GRID2: variants seen among roughly 807,000 people sequenced by gnomAD.
The protein encoded by GRID2 is glutamate ionotropic receptor delta type subunit 2, also known as glutamate receptor ionotropic, delta-2.
GRID2 carries 33 observed loss-of-function variants against 114.8 expected under a neutral mutation model. The ratio of observed to expected loss-of-function variants is 0.29; its 90% CI spans 0.22 to 0.38. The LOEUF (loss-of-function observed/expected upper bound fraction) is 0.38. Ranked by LOEUF, GRID2 falls within the 10% of genes least tolerant of loss-of-function variation. GRID2 has a pLI of 1.00. For missense variants in GRID2, 1,184 were observed against 1,257.7 expected, an observed-to-expected ratio of 0.94 and a Z score of 0.89; for synonymous variants, 505 against 449.9, an observed-to-expected ratio of 1.12 and a Z score of -1.55.
rs970525999 is a variant in GRID2 at position 93,688,319 on chromosome 4, C to T, written c.2360+61884C>T. On this transcript the variant is annotated intron_variant, in intron 14 of 15. Coordinates refer to ENST00000282020, the MANE Select transcript of GRID2 (RefSeq NM_001510.4). Reference sequence around the variant, plus strand: ...TACCACCTGTACACCTGAACATTTTCTTCTACTTGTTCCTGTTATAGCCTC... The same window carrying T: ...TACCACCTGTACACCTGAACATTTTTTTCTACTTGTTCCTGTTATAGCCTC... Among the ~76,000 whole-genome samples the T allele has an allele frequency of 2.5e-4, 38 of 151,802 alleles. 1 individual carries two copies.
chr4:92,765,778 C>T (rs908079037), intron 2 of GRID2, among the ~76,000 whole-genome samples: 1 of 152,178 alleles, frequency 6.6e-6, no homozygotes, highest in Non-Finnish European at 1.5e-5. Flanking sequence ...ACTTTATCCA[C>T]CTCAACTCCC....
intron 8 of GRID2, among the ~76,000 whole-genome samples, chr4:93,298,517 T>A (rs1004524515): frequency 6.6e-6 from 1 of 152,230 alleles, no homozygotes; most frequent in African/African-American, 2.4e-5. Context: ...AAGACCCTTT[T>A]AGCACAATCA....
chr4:92,337,756 C>G (rs1346001113), intron 1 of GRID2, among the ~76,000 whole-genome samples: 1 of 152,062 alleles, frequency 6.6e-6, no homozygotes, highest in Non-Finnish European at 1.5e-5. Context: ...ATTAAATTGC[C>G]CAAGGAGATT....
intron 3 of GRID2, among the ~76,000 whole-genome samples, chr4:93,105,845 A>T (rs1732172710): frequency 6.6e-6 from 1 of 152,160 alleles, no homozygotes; most frequent in South Asian, 2.1e-4. Flanking sequence ...ATAATATGGG[A>T]TAATCTCCCT....
intron 2 of GRID2, among the ~76,000 whole-genome samples, chr4:92,747,869 A>G (rs768452506): frequency 8.5e-5 from 13 of 152,186 alleles, no homozygotes; most frequent in Non-Finnish European, 1.8e-4. Flanking sequence ...TCCTCTGATC[A>G]TACATGGACT....
At chr4:93,719,923 T>C (rs1165780171) in intron 14 of GRID2, among the ~76,000 whole-genome samples, 1 of 152,158 alleles carries the variant, frequency 6.6e-6, no homozygotes, top group Non-Finnish European at 1.5e-5. Context: ...CATTCAAAAT[T>C]GCAGAATTCT....
chr4:92,383,158 T>C (rs542378433), intron 1 of GRID2, among the ~76,000 whole-genome samples: 1 of 151,842 alleles, frequency 6.6e-6, no homozygotes, highest in South Asian at 2.1e-4. Context: ...TGCTAAATCA[T>C]TCATGAGGAT....
At chr4:93,117,539 A>T (rs1193748001) in intron 4 of GRID2, among the ~76,000 whole-genome samples, 1 of 152,144 alleles carries the variant, frequency 6.6e-6, no homozygotes, top group African/African-American at 2.4e-5. Context: ...CATAGCTCAA[A>T]AACTTGAGTT....
chr4:93,366,324 G>C (rs528258099), intron 8 of GRID2, among the ~76,000 whole-genome samples: 6 of 152,110 alleles, frequency 3.9e-5, no homozygotes, highest in Non-Finnish European at 7.4e-5. Context: ...CTCTAAACTG[G>C]CACCCCTGGG....
At position 92,688,037 on chromosome 4, in the gene GRID2, C is replaced by CTTTTTTTTTTTTTTTTT. The variant is rs760605020; in HGVS notation, c.244+97764_244+97780dup. The stretch of plus-strand genomic sequence containing the variant: ...GCCACATTGGTTGACCCTTCTTCTT[C>CTTTTTTTTTTTTTTTTT]TTTTTTTTTTTTTTTTTTTTTTTTT... On this transcript the variant is annotated intron_variant, in intron 2 of 15. Coordinates refer to ENST00000282020, the MANE Select transcript of GRID2 (RefSeq NM_001510.4). Among the ~76,000 whole-genome samples, 64 of 44,670 alleles carry CTTTTTTTTTTTTTTTTT rather than the reference C, an allele frequency of 1.4e-3. 4 individuals are homozygous for CTTTTTTTTTTTTTTTTT. Among genetic ancestry groups the CTTTTTTTTTTTTTTTTT allele is most frequent in the East Asian group, 2.6e-3 (5 of 1,888 alleles). 29.3% of individuals were successfully genotyped at this position (44,670 alleles called of 152,430 possible).
intron 8 of GRID2, among the ~76,000 whole-genome samples, chr4:93,302,192 G>T (rs921386115): frequency 6.6e-6 from 1 of 151,686 alleles, no homozygotes; most frequent in Admixed American, 6.6e-5. Context: ...TCTTATCTTC[G>T]CATTATTAAA....
intron 1 of GRID2, among the ~76,000 whole-genome samples, chr4:92,370,281 T>C (rs1056761476): frequency 1.3e-5 from 2 of 152,204 alleles, no homozygotes; most frequent in African/African-American, 4.8e-5. Flanking sequence ...GTATTCTGAC[T>C]GCTCCACATT....
chr4:93,455,691 C>T lies in GRID2; in HGVS notation c.1575C>T (p.Thr525=), dbSNP rs1445874207. 1 of 1,612,276 alleles carries T rather than the reference C, an allele frequency of 6.2e-7. No homozygotes were observed. ...CCGACATAGGGATTTCTGCTTTAACCATCACTCCAGATCGTGAAAATGTGG... is the reference window on the plus strand; with the variant it reads ...CCGACATAGGGATTTCTGCTTTAACTATCACTCCAGATCGTGAAAATGTGG... ...KRADIGISAL[T]ITPDRENVVD... Residue 525 remains threonine (T), a synonymous_variant, in exon 11 of 16, where the codon ACC becomes ACT. Transcript: ENST00000282020.
chr4:93,335,310 G>A (rs145110571), intron 8 of GRID2, among the ~76,000 whole-genome samples: 3 of 152,274 alleles, frequency 2.0e-5, no homozygotes, highest in African/African-American at 7.2e-5. Context: ...TGTAGTGAGA[G>A]GTAATTGTGT....
chr4:92,561,745 C>T lies in GRID2; in HGVS notation c.89-28386C>T, dbSNP rs534635821. Reference sequence around the variant, plus strand: ...TACATTAGTTCTAATTTTGAATGCCCGATGTCATTATTCTCTTACATCAAC... The same window carrying T: ...TACATTAGTTCTAATTTTGAATGCCTGATGTCATTATTCTCTTACATCAAC... On this transcript the variant is annotated intron_variant, in intron 1 of 15. Coordinates refer to ENST00000282020, the MANE Select transcript of GRID2 (RefSeq NM_001510.4). Among the ~76,000 whole-genome samples, 129 of 152,126 alleles carry T rather than the reference C, an allele frequency of 8.5e-4. No homozygotes were observed. In the South Asian group the frequency reaches 0.025, roughly 30 times the overall value.
intron 2 of GRID2, among the ~76,000 whole-genome samples, chr4:92,675,798 C>G (rs1004454182): frequency 1.3e-5 from 2 of 152,058 alleles, no homozygotes; most frequent in African/African-American, 4.8e-5. Context: ...TCGTGATCCA[C>G]CCGCCTCAGC....
At chr4:93,090,127 C>T (rs1251866502) in intron 3 of GRID2, among the ~76,000 whole-genome samples, 1 of 152,136 alleles carries the variant, frequency 6.6e-6, no homozygotes, top group Non-Finnish European at 1.5e-5. Context: ...GAGATTGCCA[C>T]TCCTCTAGTT....
In GRID2 at chr4:92,410,444, C is replaced by T. The variant is rs147158326; in HGVS notation, c.88+105700C>T. On this transcript the variant is annotated intron_variant, in intron 1 of 15. Coordinates refer to ENST00000282020, the MANE Select transcript of GRID2 (RefSeq NM_001510.4). ...TATATCCATGAACATTTATTGCACACGTATTTTGTATGCAGTGAATCCTCC... is the reference window on the plus strand; with the variant it reads ...TATATCCATGAACATTTATTGCACATGTATTTTGTATGCAGTGAATCCTCC... Among the ~76,000 whole-genome samples, 30 of 152,246 alleles carry T rather than the reference C, an allele frequency of 2.0e-4. 1 individual carries two copies. The highest frequency in any genetic ancestry group is 3.9e-4 in the Admixed American group (6 of 15,288).
chr4:92,974,542 A>G (rs1311515450), intron 2 of GRID2, among the ~76,000 whole-genome samples: 1 of 152,134 alleles, frequency 6.6e-6, no homozygotes, highest in Non-Finnish European at 1.5e-5. Context: ...TTGCAGGGAC[A>G]TGGATGAAGC....
Sources: allele counts gnomAD v4.1 joint callset (sites outside exome capture counted in the v4.1 genomes callset), GRCh38; gene constraint gnomAD v4.1.1; transcripts MANE v1.5; gene names NCBI Gene and HGNC (gene_info 2026-07-23, HGNC 2026-07-21).